Variants in GTPBP8 observed in about 807,000 individuals in gnomAD.
GTPBP8 encodes GTP-binding protein 8.
Under a neutral mutation model 27.3 loss-of-function variants are expected in GTPBP8, and 21 were observed. The observed-to-expected ratio is 0.77, with a 90% CI of 0.55 to 1.11. The LOEUF (loss-of-function observed/expected upper bound fraction) is 1.11, where lower values mean the gene tolerates loss of function less well. Among genes scored for constraint, GTPBP8 ranks in the 50% least tolerant of loss-of-function variants. GTPBP8 has a pLI of 0.00. For synonymous variants in GTPBP8, 147 were observed against 135.3 expected, an observed-to-expected ratio of 1.09 and a Z score of -0.60; for missense variants, 380 against 350.8, an observed-to-expected ratio of 1.08 and a Z score of -0.67.
At chr3:112,999,653 G>T (rs1933854784) in intron 5 of GTPBP8, 89 bp downstream of exon 5, 2 of 642,258 alleles carry the variant, frequency 3.1e-6, no homozygotes, top group South Asian at 2.3e-5. Context: ...AGTTTTTGGG[G>T]AACAGGTTTT....
intron 3 of GTPBP8, among the ~76,000 whole-genome samples, chr3:112,996,326 C>T (rs1933786134): frequency 6.6e-6 from 1 of 151,856 alleles, no homozygotes; most frequent in African/African-American, 2.4e-5. Flanking sequence ...ATCAGCCAGG[C>T]ATGGTGGCAC....
chr3:112,992,254 T>C (rs1190871474), intron 1 of GTPBP8: 1 of 152,240 alleles, frequency 6.6e-6, no homozygotes, highest in Non-Finnish European at 1.5e-5. Flanking sequence ...TCAATTAATT[T>C]TGAAGAACTG....
chr3:112,999,353 T>C (rs1002218863), intron 4 of GTPBP8, 93 bp from the exon 5 acceptor site: 3 of 537,110 alleles, frequency 5.6e-6, no homozygotes, highest in African/African-American at 1.9e-5. Context: ...TTTGCACGGG[T>C]CACCTAGTTG....
intron 3 of GTPBP8, among the ~76,000 whole-genome samples, chr3:112,996,470 C>CA (rs918961537): frequency 5.4e-4 from 79 of 145,212 alleles, no homozygotes; most frequent in South Asian, 2.6e-3. Flanking sequence ...TCTAAAAAAA[C>CA]AAAAAAAAAA....
intron 3 of GTPBP8, among the ~76,000 whole-genome samples, chr3:112,996,197 G>A (rs529352863): frequency 6.6e-6 from 1 of 152,144 alleles, no homozygotes; most frequent in African/African-American, 2.4e-5. Flanking sequence ...GCCGGCTCAC[G>A]CCTGTAATCT....
At chr3:112,992,635 T>C (rs570212054) in intron 1 of GTPBP8, 1 of 158,908 alleles carries the variant, frequency 6.3e-6, no homozygotes, top group African/African-American at 2.4e-5. Flanking sequence ...CATCTAGTTC[T>C]GTTGAACTAC....
chr3:112,996,361 G>T (rs1181177764), intron 3 of GTPBP8, among the ~76,000 whole-genome samples: 1 of 151,806 alleles, frequency 6.6e-6, no homozygotes, highest in South Asian at 2.1e-4. Flanking sequence ...AACTCCTCAG[G>T]AGACTGAGGC....
chr3:112,991,586 C>G (rs1262798631), intron 1 of GTPBP8: 4 of 674,184 alleles, frequency 5.9e-6, no homozygotes. Context: ...TAAGTCGACC[C>G]ACTGTAAGCA....
At chr3:112,992,406 T>C (rs913221624) in intron 1 of GTPBP8, 1 of 152,368 alleles carries the variant, frequency 6.6e-6, no homozygotes, top group African/African-American at 2.4e-5. Flanking sequence ...CTGATTGGCA[T>C]TGTACCCCCT....
intron 1 of GTPBP8, 61 bp downstream of exon 1, chr3:112,991,396 G>T (rs1171676292): frequency 6.9e-6 from 10 of 1,452,274 alleles, no homozygotes; most frequent in Non-Finnish European, 9.7e-6. Flanking sequence ...CCGCTTCCCT[G>T]GCCGTCCGGC....
intron 4 of GTPBP8, among the ~76,000 whole-genome samples, chr3:112,998,709 A>AT (rs1208329317): frequency 6.6e-6 from 1 of 152,170 alleles, no homozygotes; most frequent in Non-Finnish European, 1.5e-5. Context: ...ATCCAACATT[A>AT]TAACAAATGA....
In GTPBP8 at chr3:112,995,276, G is replaced by T; in HGVS notation, c.566+11G>T. 1 of 1,564,246 alleles carries T rather than the reference G, an allele frequency of 6.4e-7. No homozygotes were observed. Among genetic ancestry groups the T allele is most frequent in the South Asian group, 1.2e-5 (1 of 85,330 alleles). On this transcript the variant is annotated intron_variant, in intron 3 of 5. Coordinates refer to ENST00000383678, the MANE Select transcript of GTPBP8 (RefSeq NM_014170.4). ...AAAAGAACGAAGGAAGTAAGGAAAA[G>T]ATTTTCTTATAATAGTTATACATTT...
chr3:112,993,167 T>C (rs771517544), intron 2 of GTPBP8, 43 bp downstream of exon 2: 1 of 929,042 alleles, frequency 1.1e-6, no homozygotes, highest in Non-Finnish European at 1.8e-6. Flanking sequence ...TCTCTTGGAT[T>C]AACTAACATG....
intron 1 of GTPBP8, chr3:112,991,726 A>G (rs2107364511): frequency 2.6e-6 from 1 of 381,148 alleles, no homozygotes; most frequent in Non-Finnish European, 5.0e-6. Context: ...ATTTAACTTA[A>G]GTAGGGAAAA....
At chr3:112,995,961 CTCT>C (rs1463619875) in intron 3 of GTPBP8, among the ~76,000 whole-genome samples, 2 of 152,244 alleles carry the variant, frequency 1.3e-5, no homozygotes, top group Middle Eastern at 3.4e-3. Context: ...CAAATGATAT[CTCT>C]TTTTTGTCTC....
intron 5 of GTPBP8, 48 bp from the exon 6 acceptor site, chr3:113,000,802 G>T: frequency 9.0e-7 from 1 of 1,112,976 alleles, no homozygotes. Flanking sequence ...GAATTCAGAT[G>T]TTATATCTGA....
intron 4 of GTPBP8, among the ~76,000 whole-genome samples, chr3:112,998,776 T>C (rs1422927403): frequency 6.6e-6 from 1 of 152,178 alleles, no homozygotes; most frequent in Non-Finnish European, 1.5e-5. Context: ...AACCAATATA[T>C]GTATCATGAC....
At chr3:112,994,817 G>C (rs1438075710) in intron 2 of GTPBP8, among the ~76,000 whole-genome samples, 1 of 152,100 alleles carries the variant, frequency 6.6e-6, no homozygotes, top group African/African-American at 2.4e-5. Flanking sequence ...TTTAGAACAG[G>C]GTGAATTTTT....
chr3:112,995,254 A>G lies in GTPBP8; in HGVS notation c.555A>G (p.Lys185=). 6.3e-7 allele frequency: 1 copy of G among 1,588,590 alleles called. No homozygotes were observed. The highest frequency in any genetic ancestry group is 8.5e-7 in the Non-Finnish European group (1 of 1,170,238). Residue 185 remains lysine (K), a synonymous_variant, in exon 3 of 6, where the codon AAA becomes AAG. Coordinates refer to ENST00000383678, the MANE Select transcript of GTPBP8 (RefSeq NM_014170.4). ...TTGACATGGTAGAGACCTATCTAAA[A>G]GAACGAAGGAAGTAAGGAAAAGATT... The part of the protein sequence containing the change: ...DFVDMVETYL[K]ERRNLKRTFL...
Sources: allele counts gnomAD v4.1 joint callset (sites outside exome capture counted in the v4.1 genomes callset), GRCh38; gene constraint gnomAD v4.1.1; transcripts MANE v1.5; gene names NCBI Gene and HGNC (gene_info 2026-07-23, HGNC 2026-07-21).